Variants in ENOX1 observed in about 807,000 individuals in gnomAD.
ENOX1 encodes ecto-NOX disulfide-thiol exchanger 1, also known as candidate growth-related and time keeping constitutive hydroquinone (NADH) oxidase.
A neutral mutation model predicts 82.5 loss-of-function variants in ENOX1; 42 were observed. The ratio of observed to expected loss-of-function variants is 0.51; its 90% confidence interval spans 0.40 to 0.66. The LOEUF (loss-of-function observed/expected upper bound fraction) is 0.66, where lower values mean the gene tolerates loss of function less well. ENOX1 is among the 30% of genes least tolerant of loss of function. ENOX1 has a pLI of 0.00. For synonymous variants in ENOX1, 271 were observed against 282.2 expected (o/e 0.96, Z 0.40); for missense variants, 608 against 811.6 (o/e 0.75, Z 3.05).
At chr13:43,647,319 A>C (rs1042054410) in intron 2 of ENOX1, among the ~76,000 whole-genome samples, 3 of 152,186 alleles carry the variant, frequency 2.0e-5, no homozygotes, top group African/African-American at 7.2e-5. Context: ...TAAAATAAAT[A>C]AACTACTGTA....
intron 2 of ENOX1, among the ~76,000 whole-genome samples, chr13:43,563,076 A>C (rs1223411120): frequency 6.6e-6 from 1 of 152,200 alleles, no homozygotes; most frequent in East Asian, 1.9e-4. Flanking sequence ...CAATGGCTGC[A>C]AAATATACAC....
intron 1 of ENOX1, among the ~76,000 whole-genome samples, chr13:43,678,345 C>T (rs2085617286): frequency 6.6e-6 from 1 of 152,074 alleles, no homozygotes. Flanking sequence ...TAAAAACTAT[C>T]ACATCCTTAT....
intron 11 of ENOX1, among the ~76,000 whole-genome samples, chr13:43,302,691 A>G (rs1285512002): frequency 2.0e-5 from 3 of 152,172 alleles, no homozygotes; most frequent in African/African-American, 7.2e-5. Context: ...TATATAAACC[A>G]TTATTCTTTA....
rs114347649 is a variant in ENOX1 at position 43,324,899 on chromosome 13, T to C, written c.1143+1520A>G. On this transcript the variant is annotated intron_variant, in intron 10 of 16. Coordinates refer to ENST00000690772, the MANE Select transcript of ENOX1 (RefSeq NM_001347969.2). ...ATGTGACATTTGCTGACACTCACAT[T>C]CTAATGATGGCCTTTTTATGCTCAG... Among the ~76,000 whole-genome samples, 344 of 152,352 alleles carry C rather than the reference T, an allele frequency of 2.3e-3. 2 individuals carry two copies. Among genetic ancestry groups the C allele is most frequent in the African/African-American group, 7.9e-3 (327 of 41,566 alleles).
Position 43,359,625 on chromosome 13 carries a change from A to T in ENOX1, c.589+226T>A. The T allele has an allele frequency of 1.3e-5, 7 of 549,342 alleles. No homozygotes were observed. The South Asian group carries it at 1.5e-4, about 12-fold the overall frequency. 34.0% of individuals were successfully genotyped at this position (549,342 alleles called of 1,614,324 possible). On this transcript the variant is annotated intron_variant, in intron 7 of 16. Transcript: ENST00000690772. ...CTTGAGAACATTAATTAGAAACTCGATGGAATTCCTAAAGACTGGATGGTG... is the reference window on the plus strand; with the variant it reads ...CTTGAGAACATTAATTAGAAACTCGTTGGAATTCCTAAAGACTGGATGGTG...
intron 2 of ENOX1, chr13:43,543,929 T>C (rs1273155440): frequency 7.3e-6 from 1 of 137,122 alleles, no homozygotes; most frequent in Non-Finnish European, 1.6e-5. Context: ...TTTTTTTTTT[T>C]TTTTGGATAT....
chr13:43,619,751 T>A (rs1028638027), intron 2 of ENOX1, among the ~76,000 whole-genome samples: 1 of 152,162 alleles, frequency 6.6e-6, no homozygotes. Flanking sequence ...GGTATTAGGG[T>A]GATGCTGGCT....
At chr13:43,306,085 A>T (rs778466813) in intron 11 of ENOX1, among the ~76,000 whole-genome samples, 3 of 152,194 alleles carry the variant, frequency 2.0e-5, no homozygotes, top group Non-Finnish European at 4.4e-5. Flanking sequence ...GAGTCAAATA[A>T]GGGAGAGAAG....
At chr13:43,360,855 G>A (rs1224509054) in intron 6 of ENOX1, among the ~76,000 whole-genome samples, 1 of 152,160 alleles carries the variant, frequency 6.6e-6, no homozygotes, top group South Asian at 2.1e-4. Context: ...ACTCTGAGAT[G>A]CAGGCTTCCC....
At chr13:43,505,209 T>C (rs1364506829) in intron 2 of ENOX1, among the ~76,000 whole-genome samples, 1 of 151,868 alleles carries the variant, frequency 6.6e-6, no homozygotes, top group African/African-American at 2.4e-5. Flanking sequence ...CCTTCTCAGG[T>C]TCCCAAATAG....
chr13:43,310,624 T>TA (rs1221893935), intron 11 of ENOX1, among the ~76,000 whole-genome samples: 1 of 152,150 alleles, frequency 6.6e-6, no homozygotes, highest in African/African-American at 2.4e-5. Context: ...GCCTAAGTGT[T>TA]ACGTAGAAGG....
At chr13:43,595,180 C>T (rs1269384871) in intron 2 of ENOX1, among the ~76,000 whole-genome samples, 1 of 149,866 alleles carries the variant, frequency 6.7e-6, no homozygotes, top group Admixed American at 6.7e-5. Flanking sequence ...TTTTAAGAGG[C>T]TGTTAAGTGA....
chr13:43,601,291 A>C (rs2081708782), intron 2 of ENOX1, among the ~76,000 whole-genome samples: 1 of 152,174 alleles, frequency 6.6e-6, no homozygotes, highest in Admixed American at 6.5e-5. Flanking sequence ...TCAAGATAGC[A>C]CAGAGAAGGA....
rs553640072 is a variant in ENOX1 at position 43,347,064 on chromosome 13, T to C, written c.824-2314A>G. ...CTTTCTGTCATATACAGGTAGTTTTTCCTTCTCTTGCTTGTGGTCGCTTAG... is the reference window on the plus strand; with the variant it reads ...CTTTCTGTCATATACAGGTAGTTTTCCCTTCTCTTGCTTGTGGTCGCTTAG... On this transcript the variant is annotated intron_variant, in intron 8 of 16. Coordinates refer to ENST00000690772, the MANE Select transcript of ENOX1 (RefSeq NM_001347969.2). 1.9e-4 allele frequency among the ~76,000 whole-genome samples: 29 copies of C among 152,306 alleles called. No individual in the cohort carries two copies. In the South Asian group the frequency reaches 2.7e-3, roughly 14 times the overall value.
chr13:43,357,511 A>G (rs993917452), intron 7 of ENOX1, among the ~76,000 whole-genome samples: 3 of 152,176 alleles, frequency 2.0e-5, no homozygotes, highest in Non-Finnish European at 1.5e-5. Flanking sequence ...CTAATCACAG[A>G]TGTGCAGAAT....
chr13:43,621,499 C>T (rs1261396400), intron 2 of ENOX1, among the ~76,000 whole-genome samples: 1 of 152,032 alleles, frequency 6.6e-6, no homozygotes, highest in Non-Finnish European at 1.5e-5. Context: ...TGTATCTTTC[C>T]TTCATATATA....
chr13:43,591,346 A>G (rs939235643), intron 2 of ENOX1, among the ~76,000 whole-genome samples: 2 of 152,240 alleles, frequency 1.3e-5, no homozygotes, highest in Admixed American at 6.5e-5. Flanking sequence ...ATACAGATAA[A>G]TCTCAGGGAT....
At chr13:43,258,101 CAT>C (rs1364821130) in intron 14 of ENOX1, among the ~76,000 whole-genome samples, 3 of 152,226 alleles carry the variant, frequency 2.0e-5, no homozygotes, top group Admixed American at 6.5e-5. Flanking sequence ...GCAGTGGAAA[CAT>C]AGTCAGCTGG....
chr13:43,351,255 AG>A (rs1566577755), intron 8 of ENOX1, among the ~76,000 whole-genome samples: 1 of 152,220 alleles, frequency 6.6e-6, no homozygotes, highest in Admixed American at 6.5e-5. Flanking sequence ...GGCTAAACAA[AG>A]AGTTAATGTT....
Sources: gnomAD v4.1 joint callset for allele counts (sites outside exome capture counted in the v4.1 genomes callset) on GRCh38, gnomAD v4.1.1 for gene constraint, MANE v1.5 for transcripts, NCBI Gene and HGNC (gene_info 2026-07-23, HGNC 2026-07-21) for gene names.